Variants in MRPS15 observed in about 807,000 individuals in gnomAD.
The protein encoded by MRPS15 is mitochondrial ribosomal protein S15.
MRPS15 carries 25 observed loss-of-function variants against 30.7 expected under a neutral mutation model. That is an observed-to-expected ratio of 0.81 (90% CI 0.59 to 1.14). The LOEUF is 1.14. Ranked by LOEUF, MRPS15 falls within the 50% of genes most tolerant of loss-of-function variation. The pLI is 0.00. For synonymous variants in MRPS15, 124 were observed against 120.1 expected (o/e 1.03, Z -0.21); for missense variants, 313 against 321.7 (o/e 0.97, Z 0.21).
chr1:36,457,101 CCT>C (rs1016466310), intron 6 of MRPS15, among the ~76,000 whole-genome samples: 4 of 151,930 alleles, frequency 2.6e-5, no homozygotes, highest in Admixed American at 6.6e-5. Flanking sequence ...ACGGTGAAAC[CCT>C]GTCTCTACTA....
At chr1:36,461,125 T>C in intron 4 of MRPS15, 139 bp downstream of exon 4, 4 of 841,914 alleles carry the variant, frequency 4.8e-6, no homozygotes, top group Non-Finnish European at 8.1e-6. Context: ...TGTCTAGGGA[T>C]ATTGACAAAT....
Position 36,458,221 on chromosome 1 carries a change from T to C in MRPS15, c.386-240A>G. ...ATATTATAAAGATATCATCCAAAAA[T>C]CATAGCAAATAGCATTCTTTTTTTT... On this transcript the variant is annotated intron_variant, in intron 5 of 7. Coordinates refer to ENST00000373116, the MANE Select transcript of MRPS15 (RefSeq NM_031280.4). This position sits in a 1 kb window ranked among gnomAD's most constrained non-coding sequence, Gnocchi z 4.5. The C allele has an allele frequency of 2.2e-6, 1 of 462,876 alleles. No homozygotes were observed. Among genetic ancestry groups the C allele is most frequent in the Non-Finnish European group, 3.9e-6 (1 of 258,890 alleles). 28.7% of individuals were successfully genotyped at this position (462,876 alleles called of 1,614,324 possible). A position where few individuals can be genotyped will look rare whatever the true frequency, so the allele number is the denominator to read the frequency against.
chr1:36,456,235 G>C lies in MRPS15; in HGVS notation c.588C>G (p.Tyr196Ter), dbSNP rs1365298445. The C allele has an allele frequency of 6.2e-7, 1 of 1,613,778 alleles. No individual in the cohort carries two copies. Among genetic ancestry groups the C allele is most frequent in the Non-Finnish European group, 8.5e-7 (1 of 1,179,936 alleles). The change falls in exon 7 of 8, where the codon TAC (tyrosine) becomes TAG (stop). Residue 196 changes from tyrosine (Y) to a stop codon, truncating the protein, a stop_gained. Transcript: ENST00000373116. LOFTEE classifies it low-confidence loss of function (END_TRUNC). ...TCACGAATCGGCGGTGGGCTCTTCG[G>C]TAATACAGAGGGGGGAAGGTGTACT... is the stretch of plus-strand genomic sequence containing the variant. ...GIEYTFPPLY[Y>*]RRAHRRFVTK...
chr1:36,459,896 T>G (rs979302377), intron 5 of MRPS15, among the ~76,000 whole-genome samples: 2 of 152,218 alleles, frequency 1.3e-5, no homozygotes, highest in African/African-American at 4.8e-5. Context: ...GTGGTGCTTT[T>G]CACTCACATC....
At chr1:36,460,541 G>A in intron 5 of MRPS15, 151 bp downstream of exon 5, 3 of 629,470 alleles carry the variant, frequency 4.8e-6, no homozygotes, top group Non-Finnish European at 8.5e-6. Context: ...ATCAGAGCTT[G>A]GGATACAGGG....
At chr1:36,460,259 G>C (rs1274901886) in intron 5 of MRPS15, among the ~76,000 whole-genome samples, 2 of 152,134 alleles carry the variant, frequency 1.3e-5, no homozygotes, top group Non-Finnish European at 2.9e-5. Flanking sequence ...CACCTGCTTG[G>C]CCTCCCAAAG....
At chr1:36,461,383 A>C (rs1055315845) in intron 3 of MRPS15, 71 bp from the exon 4 acceptor site, 1 of 1,418,336 alleles carries the variant, frequency 7.1e-7, no homozygotes, top group African/African-American at 1.4e-5. Flanking sequence ...GTTTCATTTT[A>C]GTTTGAAAAG....
chr1:36,462,144 AT>A lies in MRPS15; in HGVS notation c.194del (p.Asp65ValfsTer25). The A allele has an allele frequency of 6.2e-7, 1 of 1,613,244 alleles. No homozygotes were observed. The highest frequency in any genetic ancestry group is 1.1e-5 in the South Asian group (1 of 90,992). ...VRKPAQSRLD[D>X]DPPPSTLLKD... The stretch of plus-strand genomic sequence containing the variant: ...TGAGCAGCGTAGAGGGAGGTGGGTC[AT>A]CATCCAGCCTAGACTGGGCTGTCAA... On this transcript the variant is annotated frameshift_variant, in exon 3 of 8. Transcript: ENST00000373116. LOFTEE classifies it high-confidence loss of function.
Sources: gnomAD v4.1 joint callset for allele counts (sites outside exome capture counted in the v4.1 genomes callset) on GRCh38, gnomAD v4.1.1 for gene constraint, Gnocchi (gnomAD v3.1) non-coding constraint, MANE v1.5 for transcripts, NCBI Gene and HGNC (gene_info 2026-07-23, HGNC 2026-07-21) for gene names.